ZYG11B: variants seen among roughly 807,000 people sequenced by gnomAD.
The protein encoded by ZYG11B is protein zyg-11 homolog B.
ZYG11B carries 36 observed loss-of-function variants against 82.4 expected under a neutral mutation model. The observed-to-expected ratio is 0.44, with a 90% CI of 0.33 to 0.58. The LOEUF is 0.58. Among genes scored for constraint, ZYG11B ranks in the 20% least tolerant of loss-of-function variants. The pLI is 0.02. For synonymous variants in ZYG11B, 303 were observed against 312.8 expected (o/e 0.97, Z 0.33); for missense variants, 552 against 895.6 (o/e 0.62, Z 4.90).
intron 3 of ZYG11B, among the ~76,000 whole-genome samples, chr1:52,777,990 C>T (rs1558130645): frequency 6.6e-6 from 1 of 152,042 alleles, no homozygotes; most frequent in Non-Finnish European, 1.5e-5. Context: ...CACTTGAGAC[C>T]ATCACTCAGG....
intron 1 of ZYG11B, among the ~76,000 whole-genome samples, chr1:52,741,835 T>C (rs745352619): frequency 8.5e-5 from 13 of 152,150 alleles, no homozygotes; most frequent in Non-Finnish European, 1.8e-4. Flanking sequence ...ATCATGAAAC[T>C]GAGGTTCAGG....
intron 3 of ZYG11B, among the ~76,000 whole-genome samples, chr1:52,774,186 C>T (rs981605952): frequency 6.6e-6 from 1 of 151,616 alleles, no homozygotes; most frequent in African/African-American, 2.4e-5. Flanking sequence ...GTTACCCAGG[C>T]TGGAGTACAG....
intron 8 of ZYG11B, 28 bp downstream of exon 8, chr1:52,796,812 C>T: frequency 2.2e-6 from 3 of 1,393,802 alleles, no homozygotes; most frequent in Non-Finnish European, 1.9e-6. Flanking sequence ...TCCATTCAGG[C>T]CACTAGATAT....
chr1:52,780,289 T>C (rs1025694499), intron 4 of ZYG11B, among the ~76,000 whole-genome samples: 2 of 152,164 alleles, frequency 1.3e-5, no homozygotes, highest in African/African-American at 2.4e-5. Flanking sequence ...AATGAAAGTA[T>C]ATGACTGGAA....
chr1:52,748,165 T>C (rs920859447), intron 1 of ZYG11B, among the ~76,000 whole-genome samples: 5 of 152,208 alleles, frequency 3.3e-5, no homozygotes, highest in African/African-American at 1.2e-4. Flanking sequence ...AGATTTAACC[T>C]AAGCCTTATT....
intron 1 of ZYG11B, among the ~76,000 whole-genome samples, chr1:52,755,869 G>T (rs970695997): frequency 6.6e-6 from 1 of 151,394 alleles, no homozygotes; most frequent in South Asian, 2.1e-4. Context: ...GCATAATCTC[G>T]GCTCACTACA....
chr1:52,803,112 A>G (rs1571792999), intron 10 of ZYG11B, among the ~76,000 whole-genome samples: 1 of 87,208 alleles, frequency 1.1e-5, no homozygotes, highest in Non-Finnish European at 1.9e-5. Context: ...ATATATATAT[A>G]TATATACACA....
chr1:52,761,771 A>G (rs933493864), intron 2 of ZYG11B, among the ~76,000 whole-genome samples: 10 of 152,194 alleles, frequency 6.6e-5, no homozygotes, highest in Non-Finnish European at 1.5e-4. Flanking sequence ...TGCTTTCCAT[A>G]GAGTCTGTAC....
intron 1 of ZYG11B, among the ~76,000 whole-genome samples, chr1:52,751,634 A>G (rs111454834): frequency 0.012 from 1,843 of 152,126 alleles, 40 homozygotes; most frequent in African/African-American, 0.043. Context: ...CTCCGTCTCA[A>G]AAACACACAA....
intron 3 of ZYG11B, among the ~76,000 whole-genome samples, chr1:52,778,544 T>C (rs1644828238): frequency 6.6e-6 from 1 of 152,158 alleles, no homozygotes; most frequent in African/African-American, 2.4e-5. Flanking sequence ...GACCCTTAGG[T>C]GTTGTATTCT....
At chr1:52,798,065 G>A (rs976342276) in intron 8 of ZYG11B, among the ~76,000 whole-genome samples, 1 of 151,522 alleles carries the variant, frequency 6.6e-6, no homozygotes, top group Non-Finnish European at 1.5e-5. Flanking sequence ...CAAGTCTGCA[G>A]TGAGCCGTGA....
rs1357890824 is a variant in ZYG11B at position 52,726,585 on chromosome 1, C to A, written c.-69C>A. The A allele has an allele frequency of 1.5e-6, 2 of 1,352,138 alleles. No homozygotes were observed. Among genetic ancestry groups the A allele is most frequent in the Non-Finnish European group, 1.9e-6 (2 of 1,057,848 alleles). 83.8% of individuals were successfully genotyped at this position (1,352,138 alleles called of 1,614,324 possible). On this transcript the variant is annotated 5_prime_UTR_variant, in exon 1 of 14. Coordinates refer to ENST00000294353, the MANE Select transcript of ZYG11B (RefSeq NM_024646.3). The stretch of plus-strand genomic sequence containing the variant: ...CGCCGCTCGCCGGAGCCTCCTGGAG[C>A]CTCCGCGCCGGCTCAGCCTGGGGGC...
At chr1:52,803,782 T>A (rs1407808830) in intron 10 of ZYG11B, among the ~76,000 whole-genome samples, 1 of 152,136 alleles carries the variant, frequency 6.6e-6, no homozygotes, top group Non-Finnish European at 1.5e-5. Context: ...GTTTATTTAT[T>A]TTTGTAGATT....
chr1:52,781,748 T>C (rs1038814464), intron 4 of ZYG11B, among the ~76,000 whole-genome samples: 8 of 152,190 alleles, frequency 5.3e-5, no homozygotes, highest in South Asian at 4.1e-4. Context: ...TGAGGTTCTG[T>C]GACGTTAAGT....
intron 8 of ZYG11B, among the ~76,000 whole-genome samples, chr1:52,797,319 AAT>A (rs543365488): frequency 0.1 from 8,775 of 87,688 alleles, 1,043 homozygotes; most frequent in East Asian, 0.38. Flanking sequence ...ATATACATAT[AAT>A]ATATATATTA....
Position 52,756,522 on chromosome 1 carries a change from A to G in ZYG11B, c.95A>G (p.Lys32Arg). The change falls in exon 2 of 14, where the codon AAG becomes AGG. Residue 32 changes from lysine to arginine, a missense_variant. By Grantham distance (26) the Lys-to-Arg change is conservative (BLOSUM62 2). Transcript: ENST00000294353. Reference protein sequence around the residue: ...CLNFLTTHLEKFCSARQDGTL... With the variant: ...CLNFLTTHLERFCSARQDGTL... ...AATTTCTTGACTACTCACCTTGAGAAGTTCTGTTCAGCCAGACAAGATGGA... is the reference window on the plus strand; with the variant it reads ...AATTTCTTGACTACTCACCTTGAGAGGTTCTGTTCAGCCAGACAAGATGGA... The G allele has an allele frequency of 6.2e-7, 1 of 1,614,144 alleles. No homozygotes were observed. Among genetic ancestry groups the G allele is most frequent in the Non-Finnish European group, 8.5e-7 (1 of 1,180,034 alleles).
chr1:52,803,105 T>TATATATATACAC (rs1558140022), intron 10 of ZYG11B, among the ~76,000 whole-genome samples: 2 of 90,110 alleles, frequency 2.2e-5, no homozygotes, highest in Admixed American at 1.3e-4. Context: ...TATACATATA[T>TATATATATACAC]ATATATATAT....
intron 1 of ZYG11B, among the ~76,000 whole-genome samples, chr1:52,752,601 G>A (rs1018757076): frequency 5.3e-5 from 8 of 152,216 alleles, no homozygotes; most frequent in African/African-American, 1.9e-4. Flanking sequence ...CTCCTCAGGG[G>A]ATCTTGGAAT....
At chr1:52,797,418 TTATAC>T (rs1230815007) in intron 8 of ZYG11B, among the ~76,000 whole-genome samples, 38 of 88,402 alleles carry the variant, frequency 4.3e-4, no homozygotes, top group African/African-American at 1.1e-3. Context: ...ATATCATATA[TTATAC>T]ATATTATATA....
Sources: allele counts gnomAD v4.1 joint callset (sites outside exome capture counted in the v4.1 genomes callset), GRCh38; gene constraint gnomAD v4.1.1; transcripts MANE v1.5; gene names NCBI Gene and HGNC (gene_info 2026-07-23, HGNC 2026-07-21).